COL6A5: variants seen among roughly 807,000 people sequenced by gnomAD.
The protein encoded by COL6A5 is collagen alpha-5(VI) chain.
A neutral mutation model predicts 65.6 loss-of-function variants in COL6A5; 48 were observed. The ratio of observed to expected loss-of-function variants is 0.73; its 90% CI spans 0.58 to 0.93. The LOEUF (loss-of-function observed/expected upper bound fraction) is 0.93. Among genes scored for constraint, COL6A5 ranks in the 40% least tolerant of loss-of-function variants. The pLI is 0.00. For synonymous variants in COL6A5, 291 were observed against 322.8 expected, an observed-to-expected ratio of 0.90 and a Z score of 1.05; for missense variants, 914 against 928.3, an observed-to-expected ratio of 0.98 and a Z score of 0.20.
intron 7 of COL6A5, among the ~76,000 whole-genome samples, chr3:130,482,344 C>T (rs1279671745): frequency 6.6e-6 from 1 of 152,010 alleles, no homozygotes; most frequent in East Asian, 1.9e-4. Flanking sequence ...TGTCAAAGAT[C>T]AGATGGTTGT....
intron 17 of COL6A5, among the ~76,000 whole-genome samples, chr3:130,407,216 C>T (rs966969947): frequency 3.9e-5 from 6 of 152,054 alleles, no homozygotes; most frequent in Non-Finnish European, 7.4e-5. Context: ...GGGTTCAGGG[C>T]ACTGCCAAAT....
At chr3:130,354,424 T>C (rs940746106) in intron 1 of COL6A5, among the ~76,000 whole-genome samples, 3 of 152,188 alleles carry the variant, frequency 2.0e-5, no homozygotes, top group East Asian at 1.9e-4. Context: ...AGATACATCA[T>C]TGGGTATGCA....
At chr3:130,447,799 G>A (rs960750037) in intron 4 of COL6A5, among the ~76,000 whole-genome samples, 26 of 142,762 alleles carry the variant, frequency 1.8e-4, no homozygotes, top group Admixed American at 5.2e-4. Flanking sequence ...AGTATAAGAG[G>A]TAGAAATAAG....
At chr3:130,419,969 G>A (rs1937478053) in intron 25 of COL6A5, among the ~76,000 whole-genome samples, 1 of 152,112 alleles carries the variant, frequency 6.6e-6, no homozygotes, top group Non-Finnish European at 1.5e-5. Context: ...GGCACAGCAA[G>A]TTTCTGACTT....
exon 7 of COL6A5, chr3:130,391,363 C>T (rs1936394659): frequency 1.9e-6 from 3 of 1,551,670 alleles, no homozygotes. Context: ...TCCTTTTCTA[C>T]CTTAATACAT....
intron 1 of COL6A5, among the ~76,000 whole-genome samples, chr3:130,369,558 A>G (rs963148831): frequency 1.3e-5 from 2 of 152,194 alleles, no homozygotes; most frequent in African/African-American, 4.8e-5. Flanking sequence ...AGTCACTTTA[A>G]CACCTCATGC....
At chr3:130,352,761 T>C (rs1398784111) in intron 1 of COL6A5, among the ~76,000 whole-genome samples, 1 of 152,178 alleles carries the variant, frequency 6.6e-6, no homozygotes, top group Non-Finnish European at 1.5e-5. Context: ...ATTTTAACCA[T>C]TGTGATATTA....
intron 1 of COL6A5, among the ~76,000 whole-genome samples, chr3:130,351,316 A>G (rs1934696873): frequency 6.6e-6 from 1 of 152,240 alleles, no homozygotes; most frequent in African/African-American, 2.4e-5. Context: ...GACAAATGGG[A>G]TCTAATTAAA....
At chr3:130,381,944 G>A (rs1936009624) in intron 4 of COL6A5, among the ~76,000 whole-genome samples, 1 of 152,048 alleles carries the variant, frequency 6.6e-6, no homozygotes, top group Non-Finnish European at 1.5e-5. Context: ...GCCTCACTAT[G>A]TAACTCCTTA....
In COL6A5 at chr3:130,401,186, A is replaced by T; in HGVS notation, c.4134+13A>T. 2 of 1,527,866 alleles carry T rather than the reference A, an allele frequency of 1.3e-6. No homozygotes were observed. The highest frequency in any genetic ancestry group is 8.8e-7 in the Non-Finnish European group (1 of 1,138,532). The allele number at this position is 1,527,866 out of a possible 1,614,324, so 94.6% of individuals were successfully genotyped here. The stretch of plus-strand genomic sequence containing the variant: ...ATCACAGTACCTGGTGAGTTGTTGA[A>T]CAAAATCCCCGGTTGTTCAAAATGC... On this transcript the variant is annotated intron_variant and NMD_transcript_variant, in intron 11 of 41. Coordinates refer to the COL6A5 transcript ENST00000312481.
chr3:130,402,511 A>C (rs1936850635), intron 12 of COL6A5, among the ~76,000 whole-genome samples: 2 of 152,266 alleles, frequency 1.3e-5, no homozygotes, highest in Non-Finnish European at 2.9e-5. Flanking sequence ...ATGACTAAAA[A>C]AAGCAAAACA....
chr3:130,346,493 T>C (rs1934483017), intron 1 of COL6A5, among the ~76,000 whole-genome samples: 1 of 152,204 alleles, frequency 6.6e-6, no homozygotes, highest in Non-Finnish European at 1.5e-5. Flanking sequence ...GTTATAAAAA[T>C]AACTTCTAAA....
chr3:130,402,665 T>C (rs11711373), intron 12 of COL6A5, among the ~76,000 whole-genome samples: 11,821 of 152,214 alleles, frequency 0.078, 558 homozygotes, highest in East Asian at 0.18. Flanking sequence ...GGGGGTGAAT[T>C]GTGACTGGGG....
At chr3:130,370,040 G>C (rs1387393095) in intron 1 of COL6A5, among the ~76,000 whole-genome samples, 2 of 151,900 alleles carry the variant, frequency 1.3e-5, no homozygotes, top group African/African-American at 4.8e-5. Flanking sequence ...TCTAGTTTGG[G>C]GTATATCTCC....
chr3:130,420,973 A>G (rs910640189), intron 25 of COL6A5, among the ~76,000 whole-genome samples, 180 bp from the exon 26 acceptor site: 3 of 152,084 alleles, frequency 2.0e-5, no homozygotes, highest in African/African-American at 7.2e-5. Flanking sequence ...AGTACAGGGA[A>G]CATATCAGGG....
At chr3:130,430,582 A>G (rs1937761193), upstream of COL6A5, among the ~76,000 whole-genome samples, 1 of 152,192 alleles carries the variant, frequency 6.6e-6, no homozygotes, top group Non-Finnish European at 1.5e-5. Flanking sequence ...CATAGGGTAG[A>G]TTTTCTATGA....
chr3:130,439,714 ATAGGTTC>A, intron 2 of COL6A5, 99 bp downstream of exon 34: 1 of 821,558 alleles, frequency 1.2e-6, no homozygotes, highest in Non-Finnish European at 1.9e-6. Flanking sequence ...ATTTTTAATC[ATAGGTTC>A]TATTTTCAGT....
At chr3:130,409,812 T>G (rs1472615764) in intron 18 of COL6A5, among the ~76,000 whole-genome samples, 197 bp from the exon 19 acceptor site, 2 of 152,186 alleles carry the variant, frequency 1.3e-5, no homozygotes, top group African/African-American at 4.8e-5. Context: ...AATTCTTTAT[T>G]TATTGCCAAA....
At chr3:130,419,662 C>T (rs112906467) in intron 25 of COL6A5, among the ~76,000 whole-genome samples, 5 of 152,092 alleles carry the variant, frequency 3.3e-5, no homozygotes, top group African/African-American at 9.6e-5. Flanking sequence ...ATAAACCAGG[C>T]ATGGAAAGTT....
Sources: allele counts gnomAD v4.1 joint callset (sites outside exome capture counted in the v4.1 genomes callset), GRCh38; gene constraint gnomAD v4.1.1; transcripts MANE v1.5; gene names NCBI Gene and HGNC (gene_info 2026-07-23, HGNC 2026-07-21).